LRRTM1: variants seen among roughly 807,000 people sequenced by gnomAD.
LRRTM1 encodes the protein leucine-rich repeat transmembrane neuronal protein 1.
In LRRTM1, 8 loss-of-function variants were observed where a neutral mutation model predicts 37.3. That is an observed-to-expected ratio of 0.21 (90% confidence interval 0.13 to 0.39). The LOEUF (loss-of-function observed/expected upper bound fraction) is 0.39, where lower values mean the gene tolerates loss of function less well. LRRTM1 is among the 10% of genes least tolerant of loss of function. LRRTM1 has a pLI of 1.00. For missense variants in LRRTM1, 557 were observed against 691.0 expected (o/e 0.81, Z 2.17); for synonymous variants, 326 against 316.8 (o/e 1.03, Z -0.31).
downstream of LRRTM1, among the ~76,000 whole-genome samples, chr2:80,301,144 T>A (rs147062677): frequency 2.6e-3 from 397 of 152,266 alleles, 1 homozygote; most frequent in African/African-American, 9.0e-3. Flanking sequence ...TACAAGTCAT[T>A]ACCCTGCAGG....
Position 80,292,633 on chromosome 2 carries a change from G to T in LRRTM1, c.*307-3438C>A, listed in dbSNP as rs574734167. Reference sequence around the variant, plus strand: ...TCAAGAAGAAGTGGAGGCCTCTTCTGCATACTCTCATGGTGAGTCTGATAG... The same window carrying T: ...TCAAGAAGAAGTGGAGGCCTCTTCTTCATACTCTCATGGTGAGTCTGATAG... On this transcript the variant is annotated intron_variant and NMD_transcript_variant, in intron 2 of 2. Coordinates refer to the LRRTM1 transcript ENST00000417012. Among the ~76,000 whole-genome samples the T allele has an allele frequency of 1.1e-4, 16 of 152,262 alleles. No individual in the cohort carries two copies. The South Asian group carries it at 3.3e-3, about 32-fold the overall frequency.
chr2:80,300,537 T>C (rs922322347), downstream of LRRTM1, among the ~76,000 whole-genome samples: 2 of 152,056 alleles, frequency 1.3e-5, no homozygotes, highest in African/African-American at 4.8e-5. Flanking sequence ...CTAAGATTGG[T>C]AGCTGGAGAC....
In LRRTM1 at chr2:80,290,883, C is replaced by T. The variant is rs1675179640; in HGVS notation, c.*307-1688G>A. ...AGTAGAAAACAAACAAACAATAAAA[C>T]AAGCCAGCAATGACGTAAAACACTA... On this transcript the variant is annotated intron_variant and NMD_transcript_variant, in intron 2 of 2. Transcript: ENST00000417012. Among the ~76,000 whole-genome samples, 3 of 152,082 alleles carry T rather than the reference C, an allele frequency of 2.0e-5. No individual in the cohort carries two copies. In the South Asian group the frequency reaches 6.2e-4, roughly 31 times the overall value.
chr2:80,303,368 G>A lies in LRRTM1; in HGVS notation c.452C>T (p.Ala151Val). 6.2e-7 allele frequency: 1 copy of A among 1,614,114 alleles called. No individual in the cohort carries two copies. The highest frequency in any genetic ancestry group is 8.5e-7 in the Non-Finnish European group (1 of 1,180,038). The change falls in exon 2 of 2, where the codon GCG becomes GTG. Residue 151 changes from alanine (A) to valine (V), a missense_variant. By Grantham distance (64) the Ala-to-Val change is moderately conservative. Coordinates refer to ENST00000295057, the MANE Select transcript of LRRTM1 (RefSeq NM_178839.5). This position sits in a 1 kb window ranked among gnomAD's most constrained non-coding sequence, Gnocchi z 7.7. ...SVDLSYNKLQ[A>V]LAPDLFHGLR... ...CCCGTGGAAGAGGTCGGGCGCGAGC[G>A]CCTGCAGCTTGTTGTACGAGAGGTC...
Position 80,304,621 on chromosome 2 carries a change from G to C in LRRTM1, c.-529C>G, listed in dbSNP as rs958261709. 6.6e-6 allele frequency: 1 copy of C among 152,606 alleles called. No homozygotes were observed. The highest frequency in any genetic ancestry group is 2.4e-5 in the African/African-American group (1 of 41,272). The allele number at this position is 152,606 out of a possible 1,614,324, so 9.5% of individuals were successfully genotyped here. On this transcript the variant is annotated 5_prime_UTR_variant, in exon 1 of 2. Transcript: ENST00000295057. ...GCTCACTCATGCTTTGCGGGCGGCG[G>C]GCGGCGGGCGGCGGGCGGTGGGGAG...
At chr2:80,296,168 T>C (rs1184507177) in intron 2 of LRRTM1, among the ~76,000 whole-genome samples, 1 of 152,172 alleles carries the variant, frequency 6.6e-6, no homozygotes, top group Non-Finnish European at 1.5e-5. Context: ...AAATGAGGTA[T>C]CTATCACCTC....
At chr2:80,297,192 G>C (rs766869451), downstream of LRRTM1, among the ~76,000 whole-genome samples, 13 of 152,198 alleles carry the variant, frequency 8.5e-5, no homozygotes, top group Non-Finnish European at 1.8e-4. Context: ...AATGTGTTGA[G>C]CATGTATCCT....
At chr2:80,294,081 A>G (rs562896039) in intron 2 of LRRTM1, among the ~76,000 whole-genome samples, 1 of 152,274 alleles carries the variant, frequency 6.6e-6, no homozygotes, top group East Asian at 1.9e-4. Context: ...TAATGACACA[A>G]CCAATCAGAG....
rs986634745 is a variant in LRRTM1, at chr2:80,302,182, G to T, written c.*69C>A. On this transcript the variant is annotated 3_prime_UTR_variant, in exon 2 of 2. Transcript: ENST00000295057. The surrounding 1 kb of genome is among the most constrained non-coding windows in gnomAD (Gnocchi z 6.4). ...GCACAGACAAGGAGACCCCAGCCTG[G>T]TGCCCGCCGGCCCGTCCCGGCTGCC... The T allele has an allele frequency of 5.8e-6, 9 of 1,554,096 alleles. No homozygotes were observed. The highest frequency in any genetic ancestry group is 7.8e-6 in the Non-Finnish European group (9 of 1,149,960).
rs776395019 is a variant in LRRTM1 at position 80,303,199 on chromosome 2, G to A, written c.621C>T (p.Gly207=). The A allele has an allele frequency of 1.9e-6, 3 of 1,613,810 alleles. No homozygotes were observed. The African/African-American group carries it at 4.0e-5, about 22-fold the overall frequency. Residue 207 remains glycine (G), a synonymous_variant, in exon 2 of 2, where the codon GGC becomes GGT. Coordinates refer to ENST00000295057, the MANE Select transcript of LRRTM1 (RefSeq NM_178839.5). This position sits in a 1 kb window ranked among gnomAD's most constrained non-coding sequence, Gnocchi z 7.7. The part of the protein sequence containing the change: ...LKSLARNSFA[G]LFKLTELHLE... Reference sequence around the variant, plus strand: ...GGTGCAGCTCGGTGAGCTTAAACAAGCCGGCGAAAGAGTTGCGCGCCAGAC... The same window carrying A: ...GGTGCAGCTCGGTGAGCTTAAACAAACCGGCGAAAGAGTTGCGCGCCAGAC...
chr2:80,292,726 G>C (rs1675376107), intron 2 of LRRTM1, among the ~76,000 whole-genome samples: 1 of 152,168 alleles, frequency 6.6e-6, no homozygotes. Flanking sequence ...TAAGTTAAAT[G>C]GTTCTATTGT....
At chr2:80,293,930 G>A (rs757372234) in intron 2 of LRRTM1, among the ~76,000 whole-genome samples, 10 of 151,926 alleles carry the variant, frequency 6.6e-5, no homozygotes, top group Non-Finnish European at 1.2e-4. Context: ...GAGGGGCAGT[G>A]GTGAAACTAT....
chr2:80,303,590 A>G lies in LRRTM1; in HGVS notation c.230T>C (p.Leu77Pro). ...GAACTGGCCGGCGCGCAGCTCCGAG[A>G]GGCTGTTGTAGCGCAGGGACAAGCC... ...LLGLSLRYNS[L>P]SELRAGQFTG... Residue 77 changes from leucine to proline, a missense_variant, in exon 2 of 2, where the codon CTC becomes CCC. Leu to Pro is a moderately conservative substitution (Grantham distance 98, BLOSUM62 -3). Around this residue, in one of 5 missense-constraint regions of LRRTM1, gnomAD observed 140 missense variants for 138.1 expected, o/e 1.01. Transcript: ENST00000295057. The surrounding 1 kb of genome is among the most constrained non-coding windows in gnomAD (Gnocchi z 7.7). 1 of 1,614,180 alleles carries G rather than the reference A, an allele frequency of 6.2e-7. No individual in the cohort carries two copies. The highest frequency in any genetic ancestry group is 8.5e-7 in the Non-Finnish European group (1 of 1,180,024).
At chr2:80,298,843 C>T (rs1393187714), downstream of LRRTM1, 1 of 152,104 alleles carries the variant, frequency 6.6e-6, no homozygotes, top group African/African-American at 2.4e-5. Flanking sequence ...TAGGTGGTCT[C>T]AACTATTAAT....
At chr2:80,299,725 T>G (rs1676072158), downstream of LRRTM1, 1 of 152,172 alleles carries the variant, frequency 6.6e-6, no homozygotes, top group Admixed American at 6.5e-5. Flanking sequence ...AAAAATGTCT[T>G]GGGGATAGGA....
downstream of LRRTM1, among the ~76,000 whole-genome samples, chr2:80,301,406 G>A (rs183915250): frequency 4.6e-5 from 7 of 152,352 alleles, no homozygotes; most frequent in African/African-American, 1.7e-4. Context: ...AAAGACTCAG[G>A]AGAATTAAGA....
At chr2:80,289,161 A>G (rs1263473317) in exon 3 of LRRTM1, 1 of 152,176 alleles carries the variant, frequency 6.6e-6, no homozygotes, top group Non-Finnish European at 1.5e-5. Context: ...GTCTGCTCAG[A>G]GAAGGAGGAC....
downstream of LRRTM1, among the ~76,000 whole-genome samples, chr2:80,297,233 G>A (rs556410980): frequency 9.9e-5 from 15 of 152,268 alleles, 1 homozygote; most frequent in African/African-American, 3.6e-4. Flanking sequence ...CTCTTTGTTA[G>A]GTGTAGGAGT....
rs767640018 is a variant in LRRTM1 at position 80,303,136 on chromosome 2, G to A, written c.684C>T (p.His228=). 8 of 1,614,036 alleles carry A rather than the reference G, an allele frequency of 5.0e-6. No individual in the cohort carries two copies. The highest frequency in any genetic ancestry group is 1.7e-5 in the Admixed American group (1 of 60,004). ...HNDLVKVNFA[H]FPRLISLHSL... is the part of the protein sequence containing the mutation. ...AGTGCAGGGAGATGAGGCGCGGGAA[G>A]TGGGCGAAGTTCACCTTGACCAAGT... Residue 228 remains histidine, a synonymous_variant, in exon 2 of 2, where the codon CAC becomes CAT. Coordinates refer to ENST00000295057, the MANE Select transcript of LRRTM1 (RefSeq NM_178839.5). This position sits in a 1 kb window ranked among gnomAD's most constrained non-coding sequence, Gnocchi z 7.7.
Sources: gnomAD v4.1 joint callset for allele counts (sites outside exome capture counted in the v4.1 genomes callset) on GRCh38, gnomAD v4.1.1 for gene constraint, gnomAD v4.1.1 regional missense constraint, Gnocchi (gnomAD v3.1) non-coding constraint, MANE v1.5 for transcripts, NCBI Gene and HGNC (gene_info 2026-07-23, HGNC 2026-07-21) for gene names.